Variants in CXCL13 observed in about 807,000 individuals in gnomAD.
CXCL13 encodes C-X-C motif chemokine 13.
Under a neutral mutation model 12.2 loss-of-function variants are expected in CXCL13, and 7 were observed. The ratio of observed to expected loss-of-function variants is 0.57; its 90% CI spans 0.33 to 1.07. CXCL13 has a LOEUF of 1.07. Among genes scored for constraint, CXCL13 ranks in the 50% least tolerant of loss-of-function variants. The pLI is 0.04. For missense variants in CXCL13, 113 were observed against 127.4 expected (o/e 0.89, Z 0.55); for synonymous variants, 47 against 42.4 (o/e 1.11, Z -0.42).
intron 1 of CXCL13, among the ~76,000 whole-genome samples, chr4:77,572,931 G>C (rs751172358): frequency 2.0e-5 from 3 of 151,902 alleles, no homozygotes; most frequent in Admixed American, 6.5e-5. Flanking sequence ...CATGTCCTTT[G>C]CAGGAACATG....
At chr4:77,516,115 G>C (rs1724410661) in intron 1 of CXCL13, among the ~76,000 whole-genome samples, 1 of 152,134 alleles carries the variant, frequency 6.6e-6, no homozygotes, top group Admixed American at 6.5e-5. Flanking sequence ...TACATTTATT[G>C]ATTTGCATAT....
intron 1 of CXCL13, among the ~76,000 whole-genome samples, chr4:77,532,926 T>C (rs556879492): frequency 6.6e-6 from 1 of 152,214 alleles, no homozygotes; most frequent in Admixed American, 6.5e-5. Context: ...ATTATTCTAG[T>C]TTGCCATTCA....
intron 1 of CXCL13, among the ~76,000 whole-genome samples, chr4:77,511,988 T>C (rs1319468062): frequency 6.6e-6 from 1 of 152,232 alleles, no homozygotes; most frequent in Non-Finnish European, 1.5e-5. Flanking sequence ...GTTGGAGCAC[T>C]GTGCCATGGA....
intron 1 of CXCL13, among the ~76,000 whole-genome samples, chr4:77,565,423 G>A (rs560434184): frequency 2.0e-5 from 3 of 152,318 alleles, no homozygotes; most frequent in East Asian, 1.9e-4. Flanking sequence ...TGGGCAGAAA[G>A]TATTTGAATC....
intron 1 of CXCL13, among the ~76,000 whole-genome samples, chr4:77,525,047 A>C (rs996990346): frequency 6.6e-6 from 1 of 152,202 alleles, no homozygotes; most frequent in African/African-American, 2.4e-5. Flanking sequence ...GGATTAGTGT[A>C]GTTATCACAG....
chr4:77,582,144 C>T (rs538439495), intron 1 of CXCL13, among the ~76,000 whole-genome samples: 2 of 152,234 alleles, frequency 1.3e-5, no homozygotes, highest in South Asian at 4.1e-4. Context: ...TCTTGTTTTT[C>T]CCAGACAGAG....
intron 1 of CXCL13, among the ~76,000 whole-genome samples, chr4:77,546,369 G>A (rs1281805400): frequency 6.6e-6 from 1 of 152,050 alleles, no homozygotes; most frequent in Non-Finnish European, 1.5e-5. Flanking sequence ...CTGTGAATCT[G>A]CCTGGTCCTG....
chr4:77,543,418 G>C (rs975278266), intron 1 of CXCL13, among the ~76,000 whole-genome samples: 1 of 151,864 alleles, frequency 6.6e-6, no homozygotes, highest in Non-Finnish European at 1.5e-5. Flanking sequence ...GCTCATTCTT[G>C]TTTTTATTAT....
chr4:77,561,894 GC>G (rs1725823859), intron 1 of CXCL13, among the ~76,000 whole-genome samples: 1 of 152,198 alleles, frequency 6.6e-6, no homozygotes, highest in East Asian at 1.9e-4. Flanking sequence ...GGAGGGAAAG[GC>G]GCAGGTGGGA....
chr4:77,550,276 T>G (rs1725478629), intron 1 of CXCL13, among the ~76,000 whole-genome samples: 1 of 152,154 alleles, frequency 6.6e-6, no homozygotes, highest in Non-Finnish European at 1.5e-5. Flanking sequence ...GAAAGGGAAT[T>G]CCCCAACCCC....
At chr4:77,550,715 T>G (rs1311944769) in intron 1 of CXCL13, among the ~76,000 whole-genome samples, 1 of 152,196 alleles carries the variant, frequency 6.6e-6, no homozygotes, top group Non-Finnish European at 1.5e-5. Context: ...CAGTAGGGTG[T>G]TAAAATTCCC....
chr4:77,561,150 C>G (rs1216359024), intron 1 of CXCL13, among the ~76,000 whole-genome samples: 2 of 151,990 alleles, frequency 1.3e-5, no homozygotes, highest in African/African-American at 2.4e-5. Flanking sequence ...ATCTATTGTA[C>G]CTAGTGACTA....
intron 1 of CXCL13, among the ~76,000 whole-genome samples, chr4:77,513,538 G>A (rs999391964): frequency 2.1e-4 from 31 of 151,146 alleles, no homozygotes; most frequent in African/African-American, 1.7e-4. Context: ...TCCAAGCTCC[G>A]CCTCCTGGGT....
At position 77,573,360 on chromosome 4, in the gene CXCL13, TTTTG is replaced by T. The variant is rs1463936500; in HGVS notation, c.-42-32462_-42-32459del. Among the ~76,000 whole-genome samples, 594 of 134,604 alleles carry T rather than the reference TTTTG, an allele frequency of 4.4e-3. 16 individuals are homozygous for T. Among genetic ancestry groups the T allele is most frequent in the African/African-American group, 0.017 (570 of 33,898 alleles). 88.3% of individuals were successfully genotyped at this position (134,604 alleles called of 152,430 possible). On this transcript the variant is annotated intron_variant, in intron 1 of 4. Coordinates refer to the CXCL13 transcript ENST00000286758. ...TTCCAAGAAAAAAAGCTATTGGGTC[TTTTG>T]TGTGTGTGTGTGTGTGTGTGTGTGT...
At chr4:77,545,290 A>T (rs1251973693) in intron 1 of CXCL13, among the ~76,000 whole-genome samples, 1 of 152,136 alleles carries the variant, frequency 6.6e-6, no homozygotes, top group Non-Finnish European at 1.5e-5. Context: ...GAAGGAAGTC[A>T]TTGGTAGCTT....
chr4:77,560,427 G>A (rs1237213729), intron 1 of CXCL13, among the ~76,000 whole-genome samples: 2 of 152,198 alleles, frequency 1.3e-5, no homozygotes, highest in African/African-American at 4.8e-5. Context: ...TCTTGATCAA[G>A]CCCTGTTCCC....
At chr4:77,576,065 T>A (rs1416598603) in intron 1 of CXCL13, among the ~76,000 whole-genome samples, 1 of 151,830 alleles carries the variant, frequency 6.6e-6, no homozygotes, top group East Asian at 1.9e-4. Flanking sequence ...CTGCAAAAGA[T>A]GGTTTATAAT....
chr4:77,529,614 C>T (rs1472087953), intron 1 of CXCL13, among the ~76,000 whole-genome samples: 3 of 152,080 alleles, frequency 2.0e-5, no homozygotes, highest in Non-Finnish European at 4.4e-5. Flanking sequence ...GTGATTTTTG[C>T]ACATTGATTT....
At chr4:77,565,780 A>G (rs145118335) in intron 1 of CXCL13, among the ~76,000 whole-genome samples, 1 of 152,326 alleles carries the variant, frequency 6.6e-6, no homozygotes, top group African/African-American at 2.4e-5. Context: ...TACAGAGGCA[A>G]TAGGAAGTGC....
Sources: allele counts gnomAD v4.1 joint callset (sites outside exome capture counted in the v4.1 genomes callset), GRCh38; gene constraint gnomAD v4.1.1; transcripts MANE v1.5; gene names NCBI Gene and HGNC (gene_info 2026-07-23, HGNC 2026-07-21).